Variants in HDX observed in about 807,000 individuals in gnomAD.
HDX encodes highly divergent homeobox.
HDX carries 19 observed loss-of-function variants against 45.2 expected under a neutral mutation model. That is an observed-to-expected ratio of 0.42 (90% confidence interval 0.29 to 0.62). The LOEUF (loss-of-function observed/expected upper bound fraction) is 0.62, where lower values mean the gene tolerates loss of function less well. Ranked by LOEUF, HDX falls within the 20% of genes least tolerant of loss-of-function variation. The pLI, the probability that HDX is intolerant of heterozygous loss-of-function variation, is 0.20. For synonymous variants in HDX, 188 were observed against 172.8 expected, an observed-to-expected ratio of 1.09 and a Z score of -0.69; for missense variants, 532 against 493.9, an observed-to-expected ratio of 1.08 and a Z score of -0.73.
At chrX:84,403,816 A>C (rs1273949163) in intron 5 of HDX, 1 of 112,218 alleles carries the variant, frequency 8.9e-6, no homozygotes, top group Non-Finnish European at 1.9e-5. Context: ...AGCATAGTAT[A>C]TTAACCTTTC....
intron 3 of HDX, among the ~76,000 whole-genome samples, chrX:84,471,223 A>G (rs1457490211): frequency 2.0e-5 from 2 of 100,052 alleles, no homozygotes; most frequent in Non-Finnish European, 4.0e-5. Flanking sequence ...TATGTATTGA[A>G]TCCCCATTAT....
At chrX:84,417,445 T>C (rs2039140958) in intron 5 of HDX, among the ~76,000 whole-genome samples, 1 of 112,193 alleles carries the variant, frequency 8.9e-6, no homozygotes, top group African/African-American at 3.2e-5. Flanking sequence ...CTCTCCTTCA[T>C]GCCTGCAAAG....
At chrX:84,333,506 G>A (rs942837222) in intron 9 of HDX, among the ~76,000 whole-genome samples, 2 of 110,999 alleles carry the variant, frequency 1.8e-5, no homozygotes, top group African/African-American at 6.5e-5. Context: ...CCATGACCAA[G>A]TACTGCCTCC....
At chrX:84,417,767 T>C (rs1434548770) in intron 5 of HDX, among the ~76,000 whole-genome samples, 4 of 112,021 alleles carry the variant, frequency 3.6e-5, no homozygotes, top group African/African-American at 1.3e-4. Flanking sequence ...GGAGCTGGAT[T>C]CTGATTTGTC....
intron 4 of HDX, among the ~76,000 whole-genome samples, chrX:84,452,376 AG>A (rs1336354915): frequency 2.7e-5 from 3 of 110,864 alleles, no homozygotes; most frequent in African/African-American, 9.8e-5. Context: ...AAATTAGCTG[AG>A]GAAAAAAAAT....
chrX:84,436,498 G>A (rs769166762), intron 5 of HDX, among the ~76,000 whole-genome samples: 4 of 111,673 alleles, frequency 3.6e-5, no homozygotes, highest in South Asian at 3.7e-4. Context: ...CCTTTGCTGT[G>A]ACCCATAGGT....
chrX:84,469,151 T>G lies in HDX; in HGVS notation c.572A>C (p.Asn191Thr). The change falls in exon 4 of 11, where the codon AAT (asparagine) becomes ACT (threonine). Residue 191 changes from asparagine (N) to threonine (T), a missense_variant. By Grantham distance (65) the Asn-to-Thr change is moderately conservative. Transcript: ENST00000373177. ...SVLNAGNSVFNHAKKNYGNSS... is the reference protein window; with the variant it reads ...SVLNAGNSVFTHAKKNYGNSS... ...GTTTCCATAGTTTTTCTTTGCGTGA[T>G]TGAATACTGAGTTTCCAGCATTTAG... 1 of 1,209,934 alleles carries G rather than the reference T, an allele frequency of 8.3e-7. No individual in the cohort carries two copies. The highest frequency in any genetic ancestry group is 3.0e-5 in the East Asian group (1 of 33,821).
chrX:84,462,407 A>G (rs926619903), intron 4 of HDX, among the ~76,000 whole-genome samples: 1 of 112,092 alleles, frequency 8.9e-6, no homozygotes, highest in African/African-American at 3.2e-5. Context: ...TAAGTCGAAT[A>G]AGCCAGGCAC....
At chrX:84,337,968 C>T (rs2037002110) in intron 7 of HDX, among the ~76,000 whole-genome samples, 1 of 111,274 alleles carries the variant, frequency 9.0e-6, no homozygotes, top group Non-Finnish European at 1.9e-5. Context: ...TCCTCTCTCT[C>T]TCTTTATCTC....
Position 84,470,717 on chromosome X carries a change from A to G in HDX, c.148-1142T>C, listed in dbSNP as rs2040438425. 2.7e-5 allele frequency among the ~76,000 whole-genome samples: 3 copies of G among 111,946 alleles called. No individual in the cohort carries two copies. The South Asian group carries it at 1.1e-3, about 41-fold the overall frequency. On this transcript the variant is annotated intron_variant, in intron 3 of 10. Coordinates refer to ENST00000373177, the MANE Select transcript of HDX (RefSeq NM_001177479.2). Reference sequence around the variant, plus strand: ...CATATTTTAATGTAAGTAATTTATTATAATTATCTTAGTATTATTTTTCTG... The same window carrying G: ...CATATTTTAATGTAAGTAATTTATTGTAATTATCTTAGTATTATTTTTCTG...
At chrX:84,408,742 G>A (rs2038903751) in intron 5 of HDX, among the ~76,000 whole-genome samples, 1 of 109,382 alleles carries the variant, frequency 9.1e-6, no homozygotes, top group African/African-American at 3.3e-5. Flanking sequence ...GTATCTTTTA[G>A]CAGTGTTTTG....
At chrX:84,452,571 A>G (rs766910297) in intron 4 of HDX, among the ~76,000 whole-genome samples, 39 of 110,375 alleles carry the variant, frequency 3.5e-4, no homozygotes, top group South Asian at 1.1e-3. Flanking sequence ...AAAGCATCTC[A>G]TTACCTGACT....
intron 5 of HDX, among the ~76,000 whole-genome samples, chrX:84,398,854 C>A (rs1335142831): frequency 9.0e-6 from 1 of 111,491 alleles, no homozygotes; most frequent in African/African-American, 3.3e-5. Flanking sequence ...TAACTGAAAT[C>A]ATAAAAAACA....
At chrX:84,375,336 G>A (rs2038023388) in intron 5 of HDX, among the ~76,000 whole-genome samples, 1 of 110,480 alleles carries the variant, frequency 9.1e-6, no homozygotes, top group Non-Finnish European at 1.9e-5. Flanking sequence ...AGTCAGTGTG[G>A]CGATTCCTCA....
At chrX:84,476,816 C>G (rs1330654026) in intron 2 of HDX, among the ~76,000 whole-genome samples, 1 of 111,642 alleles carries the variant, frequency 9.0e-6, no homozygotes, top group East Asian at 2.8e-4. Flanking sequence ...TTCTTGTCCG[C>G]ACAAGCATCT....
chrX:84,412,940 C>T (rs927009191), intron 5 of HDX, among the ~76,000 whole-genome samples: 3 of 111,936 alleles, frequency 2.7e-5, no homozygotes, highest in Admixed American at 9.5e-5. Context: ...TCTATTCTGC[C>T]GTTAATACTT....
chrX:84,501,264 G>T (rs2041112792), intron 1 of HDX, among the ~76,000 whole-genome samples: 1 of 111,682 alleles, frequency 9.0e-6, no homozygotes, highest in Non-Finnish European at 1.9e-5. Context: ...CCTTCCCAAT[G>T]AAGGGGTGCG....
At chrX:84,462,095 T>C (rs1434589551) in intron 4 of HDX, among the ~76,000 whole-genome samples, 1 of 111,924 alleles carries the variant, frequency 8.9e-6, no homozygotes, top group African/African-American at 3.2e-5. Flanking sequence ...ACACGCACTA[T>C]GGAGAAGAGT....
chrX:84,457,030 T>A (rs1285656910), intron 4 of HDX, among the ~76,000 whole-genome samples: 1 of 111,677 alleles, frequency 9.0e-6, no homozygotes, highest in Non-Finnish European at 1.9e-5. Context: ...ATAAATCTAA[T>A]AGTTATTTAC....
Sources: gnomAD v4.1 joint callset for allele counts (sites outside exome capture counted in the v4.1 genomes callset) on GRCh38, gnomAD v4.1.1 for gene constraint, MANE v1.5 for transcripts, NCBI Gene and HGNC (gene_info 2026-07-23, HGNC 2026-07-21) for gene names.